The following PCBP3 variants were observed in gnomAD, a reference collection of about 807,000 sequenced individuals.
PCBP3 encodes the protein poly(rC) binding protein 3, also known as poly(rC)-binding protein 3.
PCBP3 carries 25 observed loss-of-function variants against 52.7 expected under a neutral mutation model. The ratio of observed to expected loss-of-function variants is 0.47; its 90% confidence interval spans 0.35 to 0.66. The LOEUF (loss-of-function observed/expected upper bound fraction) is 0.66, where lower values mean the gene tolerates loss of function less well. Among genes scored for constraint, PCBP3 ranks in the 30% least tolerant of loss-of-function variants. The pLI, the probability that PCBP3 is intolerant of heterozygous loss-of-function variation, is 0.01. For missense variants in PCBP3, 391 were observed against 490.3 expected, an observed-to-expected ratio of 0.80 and a Z score of 1.91; for synonymous variants, 162 against 183.0, an observed-to-expected ratio of 0.89 and a Z score of 0.93.
intron 2 of PCBP3, among the ~76,000 whole-genome samples, chr21:45,670,300 G>A (rs759496795): frequency 1.4e-4 from 21 of 151,988 alleles, no homozygotes; most frequent in Non-Finnish European, 2.8e-4. Flanking sequence ...TTTTTAATTG[G>A]GTTGTTTGGG....
chr21:45,646,272 C>A (rs1189816822), intron 1 of PCBP3, among the ~76,000 whole-genome samples: 4 of 151,826 alleles, frequency 2.6e-5, no homozygotes, highest in African/African-American at 9.7e-5. Context: ...GAAAACACGC[C>A]ATTTTATTCT....
chr21:45,832,765 A>T (rs1398285690), intron 4 of PCBP3: 1 of 152,218 alleles, frequency 6.6e-6, no homozygotes, highest in Non-Finnish European at 1.5e-5. Context: ...TGGGTAATTT[A>T]TAAAGGAAAG....
intron 4 of PCBP3, among the ~76,000 whole-genome samples, chr21:45,781,417 G>C (rs1386037220): frequency 6.6e-6 from 1 of 152,200 alleles, no homozygotes; most frequent in Non-Finnish European, 1.5e-5. Context: ...ATAAATAGAT[G>C]CTCAGCGTCA....
chr21:45,815,341 GTGAGTGA>G (rs1269280496), intron 4 of PCBP3, among the ~76,000 whole-genome samples: 1 of 52,422 alleles, frequency 1.9e-5, no homozygotes, highest in East Asian at 1.0e-3. Flanking sequence ...TGAGTGAGTG[GTGAGTGA>G]TGAGTGGTGA....
chr21:45,774,613 C>T (rs2090122776), intron 4 of PCBP3, among the ~76,000 whole-genome samples: 1 of 152,080 alleles, frequency 6.6e-6, no homozygotes, highest in Non-Finnish European at 1.5e-5. Flanking sequence ...TTAGAGAGAA[C>T]ACTCTTAGCT....
chr21:45,771,778 G>A (rs1489385560), intron 4 of PCBP3, among the ~76,000 whole-genome samples: 2 of 152,132 alleles, frequency 1.3e-5, no homozygotes, highest in Admixed American at 6.5e-5. Context: ...TCAAGAAAGA[G>A]GCATTGGAAT....
intron 9 of PCBP3, among the ~76,000 whole-genome samples, chr21:45,908,052 T>C (rs945964692): frequency 6.6e-5 from 10 of 152,232 alleles, no homozygotes; most frequent in African/African-American, 2.4e-4. Context: ...CCATTGGGCC[T>C]GAAAAAATCT....
intron 2 of PCBP3, among the ~76,000 whole-genome samples, chr21:45,673,209 C>G (rs1399568675): frequency 1.3e-5 from 2 of 152,110 alleles, no homozygotes; most frequent in East Asian, 3.8e-4. Flanking sequence ...TCTGATTAGA[C>G]TCTTTCTTTG....
In PCBP3 at chr21:45,913,938, T is replaced by C; in HGVS notation, c.601-13T>C. ...TCTAACGCTCTCTCTCCCTCTCCTG[T>C]CCCTTTTCCTAGTCCCCACCGAAAG... is the stretch of plus-strand genomic sequence containing the variant. On this transcript the variant is annotated splice_polypyrimidine_tract_variant and intron_variant, in intron 11 of 17. Coordinates refer to ENST00000681687, the MANE Select transcript of PCBP3 (RefSeq NM_001384156.1). 4 of 1,607,364 alleles carry C rather than the reference T, an allele frequency of 2.5e-6. No individual in the cohort carries two copies. Among genetic ancestry groups the C allele is most frequent in the Non-Finnish European group, 3.4e-6 (4 of 1,177,676 alleles).
chr21:45,668,316 C>G (rs1296050356), intron 1 of PCBP3, among the ~76,000 whole-genome samples: 1 of 152,166 alleles, frequency 6.6e-6, no homozygotes, highest in African/African-American at 2.4e-5. Flanking sequence ...CTGTTGTCCA[C>G]TGTCTCAGGT....
At chr21:45,895,765 C>CAGGAA (rs2095808195) in intron 5 of PCBP3, among the ~76,000 whole-genome samples, 1 of 152,250 alleles carries the variant, frequency 6.6e-6, no homozygotes, top group Non-Finnish European at 1.5e-5. Context: ...GGCCGGCTCC[C>CAGGAA]ACACCCTGGT....
intron 5 of PCBP3, among the ~76,000 whole-genome samples, chr21:45,868,871 G>T (rs928775771): frequency 4.6e-5 from 7 of 152,230 alleles, no homozygotes; most frequent in Non-Finnish European, 1.0e-4. Flanking sequence ...AGGACGTGGG[G>T]TTGGCTTTGG....
rs989282590 is a variant in PCBP3, at chr21:45,755,420, A to T, written c.-158A>T. ...TGTATGTTTTCATTTTTCATAGGTA[A>T]ATACCTAGGAGTGGGCTTTTCTAGA... On this transcript the variant is annotated 5_prime_UTR_variant, in exon 4 of 18. Coordinates refer to ENST00000681687, the MANE Select transcript of PCBP3 (RefSeq NM_001384156.1). Among the ~76,000 whole-genome samples the T allele has an allele frequency of 6.6e-6, 1 of 152,164 alleles. No individual in the cohort carries two copies. The highest frequency in any genetic ancestry group is 1.5e-5 in the Non-Finnish European group (1 of 68,024).
intron 13 of PCBP3, among the ~76,000 whole-genome samples, chr21:45,923,633 A>G (rs1490518918): frequency 6.6e-6 from 1 of 152,356 alleles, no homozygotes. Flanking sequence ...AAGGAAGAAC[A>G]TGCATCCAGT....
intron 4 of PCBP3, among the ~76,000 whole-genome samples, chr21:45,834,678 T>C (rs1181045321): frequency 6.6e-6 from 1 of 152,124 alleles, no homozygotes; most frequent in Admixed American, 6.5e-5. Flanking sequence ...AGTAGGCCAA[T>C]AGACTCCAAA....
chr21:45,715,731 A>G (rs888608443), intron 2 of PCBP3, among the ~76,000 whole-genome samples: 10 of 152,294 alleles, frequency 6.6e-5, no homozygotes, highest in African/African-American at 2.2e-4. Flanking sequence ...TATTTCCCTG[A>G]TGACTGATGA....
chr21:45,907,933 G>A (rs1294713754), intron 9 of PCBP3, among the ~76,000 whole-genome samples: 1 of 152,066 alleles, frequency 6.6e-6, no homozygotes, highest in Admixed American at 6.5e-5. Flanking sequence ...GTTTGTTGCC[G>A]ACGTCTGCCA....
intron 1 of PCBP3, among the ~76,000 whole-genome samples, chr21:45,664,594 TA>T (rs1460780728): frequency 1.4e-5 from 2 of 145,976 alleles, no homozygotes; most frequent in East Asian, 2.1e-4. Context: ...AAAGAGCTTT[TA>T]TTTTTTTTAA....
chr21:45,874,358 T>C (rs925305744), intron 5 of PCBP3, among the ~76,000 whole-genome samples: 2 of 152,238 alleles, frequency 1.3e-5, no homozygotes, highest in Admixed American at 1.3e-4. Flanking sequence ...ATGAAAAATA[T>C]GTTTTCTAAT....
Sources: allele counts gnomAD v4.1 joint callset (sites outside exome capture counted in the v4.1 genomes callset), GRCh38; gene constraint gnomAD v4.1.1; transcripts MANE v1.5; gene names NCBI Gene and HGNC (gene_info 2026-07-23, HGNC 2026-07-21).